The following RFTN1 variants were observed in gnomAD, a reference collection of about 807,000 sequenced individuals.
The protein encoded by RFTN1 is raftlin.
In RFTN1, 26 loss-of-function variants were observed where a neutral mutation model predicts 46.5. The observed-to-expected ratio is 0.56, with a 90% CI of 0.41 to 0.78. RFTN1 has a LOEUF of 0.78. Among genes scored for constraint, RFTN1 ranks in the 30% least tolerant of loss-of-function variants. The pLI is 0.00. For missense variants in RFTN1, 693 were observed against 718.7 expected (o/e 0.96, Z 0.41); for synonymous variants, 261 against 284.2 (o/e 0.92, Z 0.82).
intron 2 of RFTN1, among the ~76,000 whole-genome samples, chr3:16,476,889 T>C (rs1310735127): frequency 1.3e-5 from 2 of 152,164 alleles, no homozygotes; most frequent in African/African-American, 4.8e-5. Context: ...ATGAATTACA[T>C]CCCCCTGGGT....
intron 2 of RFTN1, among the ~76,000 whole-genome samples, chr3:16,441,835 T>TA (rs2075631043): frequency 6.6e-6 from 1 of 152,240 alleles, no homozygotes; most frequent in Non-Finnish European, 1.5e-5. Context: ...CTCTCTTTTT[T>TA]AAAAAGTTCC....
chr3:16,326,535 G>A (rs958866123), intron 8 of RFTN1, among the ~76,000 whole-genome samples: 1 of 152,136 alleles, frequency 6.6e-6, no homozygotes, highest in African/African-American at 2.4e-5. Flanking sequence ...TTGACATTCT[G>A]GGCAGTAATG....
chr3:16,357,875 C>T (rs1030187864), intron 7 of RFTN1, 57 bp downstream of exon 7: 56 of 1,074,730 alleles, frequency 5.2e-5, no homozygotes, highest in African/African-American at 3.9e-4. Flanking sequence ...ATCAAGCAGG[C>T]GGATAAAACA....
chr3:16,369,470 CTTTG>C (rs1005889076), intron 6 of RFTN1, among the ~76,000 whole-genome samples: 1 of 152,214 alleles, frequency 6.6e-6, no homozygotes, highest in Non-Finnish European at 1.5e-5. Flanking sequence ...AAAGCCTTTT[CTTTG>C]TTTGACACAT....
In RFTN1 at chr3:16,344,239, C is replaced by T. The variant is rs1369068359; in HGVS notation, c.1146+13693G>A. 6.6e-6 allele frequency among the ~76,000 whole-genome samples: 1 copy of T among 151,952 alleles called. No homozygotes were observed. Among genetic ancestry groups the T allele is most frequent in the Non-Finnish European group, 1.5e-5 (1 of 68,010 alleles). On this transcript the variant is annotated intron_variant, in intron 7 of 9. Coordinates refer to ENST00000334133, the MANE Select transcript of RFTN1 (RefSeq NM_015150.2). This position sits in a 1 kb window ranked among gnomAD's most constrained non-coding sequence, Gnocchi z 4.4. ...ATTGGGCTGGTTTTTGTCCAACATTCATATACTAAGAAGTAACAGATTGGA... is the reference window on the plus strand; with the variant it reads ...ATTGGGCTGGTTTTTGTCCAACATTTATATACTAAGAAGTAACAGATTGGA...
intron 2 of RFTN1, among the ~76,000 whole-genome samples, chr3:16,453,317 AT>A (rs1479526510): frequency 2.0e-5 from 3 of 152,236 alleles, no homozygotes; most frequent in African/African-American, 4.8e-5. Flanking sequence ...GGATTAAACA[AT>A]TGGCTAAAGA....
rs735592 is a variant in RFTN1, at chr3:16,400,156, G to A, written c.441+9219C>T. Among the ~76,000 whole-genome samples the A allele has an allele frequency of 1.3e-5, 2 of 152,086 alleles. No homozygotes were observed. Among genetic ancestry groups the A allele is most frequent in the Non-Finnish European group, 2.9e-5 (2 of 68,002 alleles). On this transcript the variant is annotated intron_variant, in intron 4 of 9. Coordinates refer to ENST00000334133, the MANE Select transcript of RFTN1 (RefSeq NM_015150.2). The surrounding 1 kb of genome is among the most constrained non-coding windows in gnomAD (Gnocchi z 4.5). ...CATCCTCAGCCTGGCCTGCAGGGCT[G>A]TATGGGGACCCGACTCACTCTCCAG...
intron 6 of RFTN1, among the ~76,000 whole-genome samples, chr3:16,368,865 A>G (rs2073364433): frequency 6.6e-6 from 1 of 152,236 alleles, no homozygotes; most frequent in African/African-American, 2.4e-5. Flanking sequence ...GGTGGCCGCC[A>G]TACTGGACAA....
chr3:16,371,903 T>C (rs1345677092), intron 5 of RFTN1, among the ~76,000 whole-genome samples: 6 of 152,184 alleles, frequency 3.9e-5, no homozygotes, highest in South Asian at 2.1e-4. Flanking sequence ...ATACAAACTT[T>C]AGAAATGGAG....
chr3:16,458,962 G>A lies in RFTN1; in HGVS notation c.146-24925C>T, dbSNP rs145304210. 9.2e-5 allele frequency among the ~76,000 whole-genome samples: 14 copies of A among 152,204 alleles called. No homozygotes were observed. The highest frequency in any genetic ancestry group is 2.0e-4 in the Admixed American group (3 of 15,300). ...TTTCTTTTCTTTTCCTTGAGACAGC[G>A]TCTCACTCTGTCACCAGGTTGGAGA... is the stretch of plus-strand genomic sequence containing the variant. On this transcript the variant is annotated intron_variant, in intron 2 of 9. Coordinates refer to ENST00000334133, the MANE Select transcript of RFTN1 (RefSeq NM_015150.2). The surrounding 1 kb of genome is among the most constrained non-coding windows in gnomAD (Gnocchi z 5.1).
intron 2 of RFTN1, among the ~76,000 whole-genome samples, chr3:16,438,161 T>C (rs1224010528): frequency 1.3e-5 from 2 of 152,208 alleles, no homozygotes; most frequent in Non-Finnish European, 2.9e-5. Context: ...ATTCTTTAAA[T>C]GATTCAAATT....
rs1476507586 is a variant in RFTN1 at position 16,468,283 on chromosome 3, G to A, written c.145+25442C>T. 6.6e-6 allele frequency among the ~76,000 whole-genome samples: 1 copy of A among 152,178 alleles called. No individual in the cohort carries two copies. Among genetic ancestry groups the A allele is most frequent in the Non-Finnish European group, 1.5e-5 (1 of 68,028 alleles). On this transcript the variant is annotated intron_variant, in intron 2 of 9. Coordinates refer to ENST00000334133, the MANE Select transcript of RFTN1 (RefSeq NM_015150.2). The surrounding 1 kb of genome is among the most constrained non-coding windows in gnomAD (Gnocchi z 4.4). ...TTCATTTGGAAACTTATCTGTAGGAGTTCCCAAACCCTCACTGTCGTTCGT... is the reference window on the plus strand; with the variant it reads ...TTCATTTGGAAACTTATCTGTAGGAATTCCCAAACCCTCACTGTCGTTCGT...
At chr3:16,423,432 C>T (rs911042597) in intron 3 of RFTN1, among the ~76,000 whole-genome samples, 17 of 152,156 alleles carry the variant, frequency 1.1e-4, no homozygotes, top group Admixed American at 1.0e-3. Flanking sequence ...TCCTTACCTA[C>T]CTTAACCCTC....
At chr3:16,445,092 GA>G (rs1559351180) in intron 2 of RFTN1, among the ~76,000 whole-genome samples, 1 of 152,210 alleles carries the variant, frequency 6.6e-6, no homozygotes, top group African/African-American at 2.4e-5. Context: ...CAGTTTCCAA[GA>G]ACCTATTAAC....
rs145236858 is a variant in RFTN1 at position 16,376,849 on chromosome 3, C to A, written c.826+869G>T. 3.5e-3 allele frequency among the ~76,000 whole-genome samples: 529 copies of A among 152,274 alleles called. 1 individual carries two copies. Among genetic ancestry groups the A allele is most frequent in the Non-Finnish European group, 5.0e-3 (340 of 68,008 alleles). On this transcript the variant is annotated intron_variant, in intron 5 of 9. Transcript: ENST00000334133. The surrounding 1 kb of genome is among the most constrained non-coding windows in gnomAD (Gnocchi z 4.7). Reference sequence around the variant, plus strand: ...TTGTTTTCCCTTCTGGAAGCACCACCTGTTCATTATCACTTGTAAGAGGCT... The same window carrying A: ...TTGTTTTCCCTTCTGGAAGCACCACATGTTCATTATCACTTGTAAGAGGCT...
At chr3:16,493,957 G>A (rs34990833) in intron 1 of RFTN1, 80 bp from the exon 2 acceptor site, 148 of 1,501,894 alleles carry the variant, frequency 9.9e-5, no homozygotes, top group South Asian at 5.1e-4. Flanking sequence ...AAAAGATGCC[G>A]TAATTTTCCT....
At chr3:16,453,475 T>C (rs1236867209) in intron 2 of RFTN1, among the ~76,000 whole-genome samples, 1 of 152,228 alleles carries the variant, frequency 6.6e-6, no homozygotes, top group African/African-American at 2.4e-5. Context: ...TCCTTGCTTC[T>C]ACACAGTTGT....
At chr3:16,493,235 CT>C (rs5846926) in intron 2 of RFTN1, among the ~76,000 whole-genome samples, 71,487 of 142,612 alleles carry the variant, frequency 0.5, 17,016 homozygotes, top group East Asian at 0.66. Context: ...TAATTCGTTG[CT>C]TTTTTTTTTT....
chr3:16,338,532 G>C lies in RFTN1; in HGVS notation c.1147-11656C>G. 6.6e-6 allele frequency among the ~76,000 whole-genome samples: 1 copy of C among 152,170 alleles called. No homozygotes were observed. Among genetic ancestry groups the C allele is most frequent in the African/African-American group, 2.4e-5 (1 of 41,430 alleles). On this transcript the variant is annotated intron_variant, in intron 7 of 9. Transcript: ENST00000334133. This position sits in a 1 kb window ranked among gnomAD's most constrained non-coding sequence, Gnocchi z 5.3. ...CACATTGAGTGCTTCAGGGTGAGGG[G>C]GTCCTCCCAGGCCAACTTAGAAATA...
Sources: gnomAD v4.1 joint callset for allele counts (sites outside exome capture counted in the v4.1 genomes callset) on GRCh38, gnomAD v4.1.1 for gene constraint, Gnocchi (gnomAD v3.1) non-coding constraint, MANE v1.5 for transcripts, NCBI Gene and HGNC (gene_info 2026-07-23, HGNC 2026-07-21) for gene names.